The following KCNAB1 variants were observed in gnomAD, a reference collection of about 807,000 sequenced individuals.
KCNAB1 encodes potassium voltage-gated channel subfamily A regulatory beta subunit 1, also known as voltage-gated potassium channel subunit beta-1.
KCNAB1 carries 35 observed loss-of-function variants against 64.6 expected under a neutral mutation model. The ratio of observed to expected loss-of-function variants is 0.54; its 90% CI spans 0.41 to 0.72. The LOEUF (loss-of-function observed/expected upper bound fraction) is 0.72, where lower values mean the gene tolerates loss of function less well. Among genes scored for constraint, KCNAB1 ranks in the 30% least tolerant of loss-of-function variants. KCNAB1 has a pLI of 0.00. For synonymous variants in KCNAB1, 177 were observed against 183.8 expected (o/e 0.96, Z 0.30); for missense variants, 401 against 512.9 (o/e 0.78, Z 2.11).
chr3:156,133,107 A>G (rs1714099422), intron 1 of KCNAB1, among the ~76,000 whole-genome samples: 1 of 152,240 alleles, frequency 6.6e-6, no homozygotes, highest in African/African-American at 2.4e-5. Flanking sequence ...ACAGCAATGG[A>G]CATTAAGTAT....
intron 13 of KCNAB1, among the ~76,000 whole-genome samples, chr3:156,535,036 T>C (rs188132846): frequency 6.6e-6 from 1 of 152,088 alleles, no homozygotes; most frequent in East Asian, 1.9e-4. Flanking sequence ...ATCCAACAAA[T>C]CCAGTTTCTA....
chr3:156,155,357 G>A (rs879759229), intron 1 of KCNAB1, among the ~76,000 whole-genome samples: 6 of 152,040 alleles, frequency 3.9e-5, no homozygotes, highest in Non-Finnish European at 8.8e-5. Context: ...AATTCTAGTG[G>A]GGACGTGCCA....
chr3:156,371,100 T>G (rs1360279259), intron 1 of KCNAB1, among the ~76,000 whole-genome samples: 1 of 152,176 alleles, frequency 6.6e-6, no homozygotes, highest in African/African-American at 2.4e-5. Flanking sequence ...TTTTCCAGCA[T>G]GGAACACACA....
chr3:156,220,734 G>C (rs952446001), intron 1 of KCNAB1, among the ~76,000 whole-genome samples: 4 of 152,270 alleles, frequency 2.6e-5, no homozygotes, highest in South Asian at 2.1e-4. Flanking sequence ...GATCCCATTT[G>C]TCTATTTTGG....
At chr3:156,443,838 A>G (rs559686202) in intron 2 of KCNAB1, among the ~76,000 whole-genome samples, 6 of 151,832 alleles carry the variant, frequency 4.0e-5, no homozygotes, top group African/African-American at 1.5e-4. Flanking sequence ...GAGGAGGCCC[A>G]CCTTTATTTC....
intron 2 of KCNAB1, among the ~76,000 whole-genome samples, chr3:156,443,774 ACACAC>A (rs926068226): frequency 0.012 from 1,729 of 146,756 alleles, 37 homozygotes; most frequent in African/African-American, 0.042. Context: ...ACACACACAC[ACACAC>A]ACTATTCTTT....
intron 1 of KCNAB1, among the ~76,000 whole-genome samples, chr3:156,167,905 T>C (rs950288680): frequency 1.3e-5 from 2 of 152,174 alleles, no homozygotes; most frequent in Non-Finnish European, 2.9e-5. Flanking sequence ...TACTTTCTTA[T>C]ATGTTTGGAA....
intron 1 of KCNAB1, among the ~76,000 whole-genome samples, chr3:156,207,152 T>A (rs1013853039): frequency 6.6e-6 from 1 of 152,238 alleles, no homozygotes; most frequent in African/African-American, 2.4e-5. Context: ...CTGCATGGCC[T>A]ACATCAATAA....
intron 1 of KCNAB1, among the ~76,000 whole-genome samples, chr3:156,332,694 G>A (rs940593360): frequency 6.6e-6 from 1 of 152,196 alleles, no homozygotes; most frequent in Non-Finnish European, 1.5e-5. Flanking sequence ...AGACCCAGAT[G>A]TCTGAGTTTT....
rs530666846 is a variant in KCNAB1, at chr3:156,277,837, TG to T, written c.276-143776del. Among the ~76,000 whole-genome samples, 197 of 152,282 alleles carry T rather than the reference TG, an allele frequency of 1.3e-3. 1 individual carries two copies. Among genetic ancestry groups the T allele is most frequent in the African/African-American group, 4.4e-3 (182 of 41,578 alleles). ...AACCTCCATATCATTTTTCCATAGT[TG>T]GGCGTACTAATTTACATTCCCACCA... is the stretch of plus-strand genomic sequence containing the variant. On this transcript the variant is annotated intron_variant, in intron 1 of 13. Transcript: ENST00000490337.
In KCNAB1 at chr3:156,226,249, C is replaced by A. The variant is rs1047718106; in HGVS notation, c.275+105363C>A. Among the ~76,000 whole-genome samples, 3 of 152,072 alleles carry A rather than the reference C, an allele frequency of 2.0e-5. No homozygotes were observed. The East Asian group carries it at 5.8e-4, about 29-fold the overall frequency. On this transcript the variant is annotated intron_variant, in intron 1 of 13. Transcript: ENST00000490337. ...GACCAGTGGAACAGAATAGAGAACC[C>A]AGAAATTAAGCCAGATACAGTCAAC...
chr3:156,280,781 G>A (rs1399192381), intron 1 of KCNAB1, among the ~76,000 whole-genome samples: 7 of 151,746 alleles, frequency 4.6e-5, no homozygotes, highest in African/African-American at 1.7e-4. Flanking sequence ...TTGTTGGTGT[G>A]TAAGAATGCT....
intron 1 of KCNAB1, among the ~76,000 whole-genome samples, chr3:156,158,183 TAAATAAATA>T (rs1715859086): frequency 9.4e-5 from 3 of 31,978 alleles, no homozygotes; most frequent in East Asian, 2.8e-3. Flanking sequence ...AAATAAAAAA[TAAATAAATA>T]AATAAATAAA....
At chr3:156,406,759 G>A (rs1420085182) in intron 1 of KCNAB1, among the ~76,000 whole-genome samples, 1 of 152,114 alleles carries the variant, frequency 6.6e-6, no homozygotes, top group African/African-American at 2.4e-5. Context: ...GAGGTACTTG[G>A]GATCAAAGGG....
At chr3:156,497,032 A>G (rs1001745832) in intron 8 of KCNAB1, among the ~76,000 whole-genome samples, 3 of 152,206 alleles carry the variant, frequency 2.0e-5, no homozygotes, top group African/African-American at 7.2e-5. Context: ...ATTTTAAAAT[A>G]TTAACATTAA....
chr3:156,473,105 T>G (rs976114938), intron 7 of KCNAB1, among the ~76,000 whole-genome samples: 5 of 152,160 alleles, frequency 3.3e-5, no homozygotes, highest in African/African-American at 4.8e-5. Flanking sequence ...GGGGGTCTAG[T>G]GAAAATTTTT....
Position 156,372,776 on chromosome 3 carries a change from T to C in KCNAB1, c.276-48840T>C, listed in dbSNP as rs144898951. Among the ~76,000 whole-genome samples the C allele has an allele frequency of 2.0e-4, 30 of 152,348 alleles. No individual in the cohort carries two copies. In the East Asian group the frequency reaches 5.4e-3, roughly 27 times the overall value. On this transcript the variant is annotated intron_variant, in intron 1 of 13. Transcript: ENST00000490337. ...TTGGAAATTTGGTATAGCCAGAATA[T>C]ACAATGCCTTGGGGTTAGGGAATGC... is the stretch of plus-strand genomic sequence containing the variant.
At chr3:156,255,096 T>C (rs1234875451) in intron 1 of KCNAB1, among the ~76,000 whole-genome samples, 2 of 152,148 alleles carry the variant, frequency 1.3e-5, no homozygotes, top group African/African-American at 4.8e-5. Flanking sequence ...AGCCCATTAG[T>C]TGGAGGGCCT....
intron 1 of KCNAB1, among the ~76,000 whole-genome samples, chr3:156,384,951 C>T (rs1387783255): frequency 6.6e-6 from 1 of 152,128 alleles, no homozygotes; most frequent in East Asian, 1.9e-4. Context: ...AGTACCTTTC[C>T]AACAGCTGGC....
Sources: gnomAD v4.1 joint callset for allele counts (sites outside exome capture counted in the v4.1 genomes callset) on GRCh38, gnomAD v4.1.1 for gene constraint, MANE v1.5 for transcripts, NCBI Gene and HGNC (gene_info 2026-07-23, HGNC 2026-07-21) for gene names.